CALHM4: variants seen among roughly 807,000 people sequenced by gnomAD.
CALHM4 encodes calcium homeostasis modulator protein 4.
Under a neutral mutation model 13.3 loss-of-function variants are expected in CALHM4, and 16 were observed. That is an observed-to-expected ratio of 1.20 (90% CI 0.81 to 1.82). The LOEUF (loss-of-function observed/expected upper bound fraction) is 1.82, where lower values mean the gene tolerates loss of function less well. CALHM4 is among the 40% of genes most tolerant of loss of function. The pLI, the probability that CALHM4 is intolerant of heterozygous loss-of-function variation, is 0.00. For missense variants in CALHM4, 344 were observed against 374.9 expected, an observed-to-expected ratio of 0.92 and a Z score of 0.68; for synonymous variants, 127 against 137.1, an observed-to-expected ratio of 0.93 and a Z score of 0.52.
chr6:116,545,684 G>A (rs542306692), intron 2 of CALHM4: 33 of 456,378 alleles, frequency 7.2e-5, no homozygotes, highest in East Asian at 3.1e-4. Flanking sequence ...AGCTGAAGAG[G>A]GAAAAAAACC....
chr6:116,535,010 T>G (rs1376827950), intron 1 of CALHM4, among the ~76,000 whole-genome samples: 2 of 152,306 alleles, frequency 1.3e-5, no homozygotes, highest in East Asian at 3.9e-4. Flanking sequence ...GACATGGACC[T>G]GAGAGCAAAA....
Position 116,559,286 on chromosome 6 carries a change from CTATT to C in CALHM4, c.*1081_*1084del, listed in dbSNP as rs535983027. Among the ~76,000 whole-genome samples the C allele has an allele frequency of 3.9e-4, 60 of 152,276 alleles. No homozygotes were observed. The highest frequency in any genetic ancestry group is 3.3e-3 in the East Asian group (17 of 5,186). ...AATAAGTTGTCTGAGGGCATTCTGT[CTATT>C]TATTTCTTCAGTCAAAACAATGCTT... On this transcript the variant is annotated 3_prime_UTR_variant, in exon 2 of 2. Transcript: ENST00000368596.
At chr6:116,545,720 C>T (rs533412019) in intron 2 of CALHM4, 7 of 382,502 alleles carry the variant, frequency 1.8e-5, no homozygotes, top group African/African-American at 1.2e-4. Context: ...GTCTTATAGC[C>T]ACGTAACTTG....
At position 116,560,653 on chromosome 6, in the gene CALHM4, G is replaced by A. The variant is rs75052897; in HGVS notation, c.*2442G>A. Among the ~76,000 whole-genome samples the A allele has an allele frequency of 3.3e-3, 48 of 14,718 alleles. 2 individuals carry two copies. In the East Asian group the frequency reaches 0.36, roughly 111 times the overall value. The allele number at this position is 14,718 out of a possible 152,430, so 9.7% of individuals were successfully genotyped here. ...ATAAATGGAATTTTTAGTATTTTGG[G>A]GGGGGGGGGGGCTATGGTCTATAGC... is the stretch of plus-strand genomic sequence containing the variant. On this transcript the variant is annotated 3_prime_UTR_variant, in exon 2 of 2. Coordinates refer to ENST00000368596, the MANE Select transcript of CALHM4 (RefSeq NM_001366078.2).
chr6:116,544,365 C>G (rs1045524509), intron 2 of CALHM4, among the ~76,000 whole-genome samples: 9 of 152,000 alleles, frequency 5.9e-5, no homozygotes, highest in Admixed American at 1.3e-4. Flanking sequence ...ATATTGAAAT[C>G]TATTTTATTT....
upstream of CALHM4, chr6:116,553,688 C>G (rs1774179685): frequency 2.9e-6 from 3 of 1,037,634 alleles, no homozygotes; most frequent in Non-Finnish European, 4.1e-6. Context: ...TGTTGGATCA[C>G]TTGACACAAC....
upstream of CALHM4, among the ~76,000 whole-genome samples, chr6:116,549,702 G>A (rs1011637967): frequency 2.6e-5 from 4 of 151,506 alleles, no homozygotes; most frequent in African/African-American, 7.3e-5. Flanking sequence ...CCAGCCAGAC[G>A]TGGTGGCTCA....
intron 1 of CALHM4, among the ~76,000 whole-genome samples, chr6:116,529,897 G>A (rs767012791): frequency 1.9e-4 from 29 of 152,116 alleles, no homozygotes; most frequent in Admixed American, 1.6e-3. Flanking sequence ...GAGTGTGTGC[G>A]GAAGAGGGTT....
intron 1 of CALHM4, among the ~76,000 whole-genome samples, chr6:116,531,514 T>A (rs576236117): frequency 3.7e-4 from 56 of 152,274 alleles, no homozygotes; most frequent in African/African-American, 1.3e-3. Flanking sequence ...CAAGATAGAC[T>A]AAAACTGTAA....
In CALHM4 at chr6:116,560,658, G is replaced by T. The variant is rs1052643976; in HGVS notation, c.*2447G>T. Reference sequence around the variant, plus strand: ...TGGAATTTTTAGTATTTTGGGGGGGGGGGGGGCTATGGTCTATAGCATTTT... The same window carrying T: ...TGGAATTTTTAGTATTTTGGGGGGGTGGGGGGCTATGGTCTATAGCATTTT... On this transcript the variant is annotated 3_prime_UTR_variant, in exon 2 of 2. Coordinates refer to ENST00000368596, the MANE Select transcript of CALHM4 (RefSeq NM_001366078.2). 4.1e-5 allele frequency among the ~76,000 whole-genome samples: 6 copies of T among 147,424 alleles called. No individual in the cohort carries two copies. The highest frequency in any genetic ancestry group is 1.5e-4 in the African/African-American group (6 of 39,824).
At chr6:116,554,569 T>C (rs1774225925) in intron 1 of CALHM4, among the ~76,000 whole-genome samples, 1 of 152,174 alleles carries the variant, frequency 6.6e-6, no homozygotes, top group Admixed American at 6.5e-5. Context: ...TTGCCACTTA[T>C]TAACCTGCAA....
chr6:116,530,936 TATATATATG>T, intron 1 of CALHM4, among the ~76,000 whole-genome samples: 1 of 143,992 alleles, frequency 6.9e-6, no homozygotes, highest in South Asian at 2.2e-4. Context: ...TATATATATA[TATATATATG>T]TTACTAATTT....
intron 1 of CALHM4, among the ~76,000 whole-genome samples, chr6:116,530,928 T>C (rs970661962): frequency 1.4e-5 from 2 of 143,440 alleles, no homozygotes; most frequent in Non-Finnish European, 3.0e-5. Context: ...TATATATATA[T>C]ATATATATAT....
intron 1 of CALHM4, among the ~76,000 whole-genome samples, chr6:116,539,832 C>T (rs190882935): frequency 2.0e-5 from 3 of 152,224 alleles, no homozygotes; most frequent in South Asian, 2.1e-4. Flanking sequence ...ATGCATTTTC[C>T]GGTTTAATTT....
chr6:116,538,984 C>T (rs1273549643), intron 1 of CALHM4, among the ~76,000 whole-genome samples: 1 of 151,990 alleles, frequency 6.6e-6, no homozygotes, highest in Non-Finnish European at 1.5e-5. Flanking sequence ...AGTGATTTGC[C>T]CACACTAAGC....
intron 1 of CALHM4, among the ~76,000 whole-genome samples, chr6:116,530,559 C>G (rs1370494679): frequency 6.6e-6 from 1 of 152,126 alleles, no homozygotes; most frequent in African/African-American, 2.4e-5. Flanking sequence ...TTAGTTATCT[C>G]CCTTCTACCA....
chr6:116,549,727 G>C (rs903179767), upstream of CALHM4, among the ~76,000 whole-genome samples: 3 of 151,312 alleles, frequency 2.0e-5, no homozygotes, highest in African/African-American at 7.3e-5. Context: ...TGTAATCCCA[G>C]CACTTTGGGA....
intron 1 of CALHM4, among the ~76,000 whole-genome samples, chr6:116,538,838 C>T (rs1773256690): frequency 6.6e-6 from 1 of 151,788 alleles, no homozygotes; most frequent in African/African-American, 2.4e-5. Flanking sequence ...CTCAAGCCAT[C>T]CACCCCTCTC....
At chr6:116,539,633 C>T (rs969833984) in intron 1 of CALHM4, among the ~76,000 whole-genome samples, 1 of 152,140 alleles carries the variant, frequency 6.6e-6, no homozygotes, top group South Asian at 2.1e-4. Flanking sequence ...TATAGAATGA[C>T]AGCCATTCAT....
Sources: allele counts gnomAD v4.1 joint callset (sites outside exome capture counted in the v4.1 genomes callset), GRCh38; gene constraint gnomAD v4.1.1; transcripts MANE v1.5; gene names NCBI Gene and HGNC (gene_info 2026-07-23, HGNC 2026-07-21).